The following THSD7A variants were observed in gnomAD, a reference collection of about 807,000 sequenced individuals.
THSD7A encodes thrombospondin type-1 domain-containing protein 7A.
Under a neutral mutation model 231.3 loss-of-function variants are expected in THSD7A, and 96 were observed. The ratio of observed to expected loss-of-function variants is 0.41; its 90% CI spans 0.35 to 0.49. The LOEUF is 0.49. Ranked by LOEUF, THSD7A falls within the 20% of genes least tolerant of loss-of-function variation. The pLI is 0.05. For missense variants in THSD7A, 2,290 were observed against 2,070.2 expected (o/e 1.11, Z -2.06); for synonymous variants, 940 against 743.3 (o/e 1.26, Z -4.30).
rs80110527 is a variant in THSD7A at position 11,437,847 on chromosome 7, T to C, written c.3064+8214A>G. ...ACAAAAAGTAATACATTTCAGTTAC[T>C]TTATGGTTGAGTGGTCAGGTGGGTT... is the stretch of plus-strand genomic sequence containing the variant. On this transcript the variant is annotated intron_variant, in intron 13 of 27. Transcript: ENST00000423059. 3.0e-3 allele frequency among the ~76,000 whole-genome samples: 453 copies of C among 152,242 alleles called. 1 individual carries two copies. The highest frequency in any genetic ancestry group is 0.01 in the African/African-American group (436 of 41,558).
chr7:11,460,837 T>G (rs187325844), intron 10 of THSD7A, 72 bp from the exon 11 acceptor site: 1 of 1,245,974 alleles, frequency 8.0e-7, no homozygotes, highest in Non-Finnish European at 1.2e-6. Flanking sequence ...CACAGCAGCA[T>G]GGAAACATGA....
At chr7:11,520,436 A>T (rs988048949) in intron 6 of THSD7A, among the ~76,000 whole-genome samples, 1 of 152,208 alleles carries the variant, frequency 6.6e-6, no homozygotes, top group African/African-American at 2.4e-5. Flanking sequence ...AGTATGACTT[A>T]TTTAAAATTA....
chr7:11,797,441 G>A (rs1583299041), intron 1 of THSD7A, among the ~76,000 whole-genome samples: 2 of 130,762 alleles, frequency 1.5e-5, no homozygotes, highest in Admixed American at 8.2e-5. Flanking sequence ...TTTTCAGACA[G>A]GGTCGTGTTC....
chr7:11,383,486 T>C (rs1198436246), intron 23 of THSD7A, among the ~76,000 whole-genome samples: 1 of 151,994 alleles, frequency 6.6e-6, no homozygotes, highest in Non-Finnish European at 1.5e-5. Context: ...TATCACTGTA[T>C]GGCTAGCTGA....
rs770986563 is a variant in THSD7A, at chr7:11,831,748, C to T, written c.190+9G>A. ...GAAGATGGGGAAAGGGTAACTCCGT[C>T]CCACTTACCAGTCTTCCACAGATAG... is the stretch of plus-strand genomic sequence containing the variant. On this transcript the variant is annotated intron_variant, in intron 1 of 27. Coordinates refer to ENST00000423059, the MANE Select transcript of THSD7A (RefSeq NM_015204.3). This position sits in a 1 kb window ranked among gnomAD's most constrained non-coding sequence, Gnocchi z 5.0. 5.0e-5 allele frequency: 72 copies of T among 1,448,910 alleles called. No homozygotes were observed. Among genetic ancestry groups the T allele is most frequent in the Non-Finnish European group, 6.1e-5 (67 of 1,096,702 alleles). 89.8% of individuals were successfully genotyped at this position (1,448,910 alleles called of 1,614,324 possible).
At chr7:11,507,234 C>T (rs1583869587) in intron 6 of THSD7A, among the ~76,000 whole-genome samples, 1 of 152,124 alleles carries the variant, frequency 6.6e-6, no homozygotes, top group South Asian at 2.1e-4. Context: ...GGGATACTCA[C>T]TCTACATTTT....
rs185089064 is a variant in THSD7A at position 11,465,540 on chromosome 7, A to G, written c.2369-3397T>C. On this transcript the variant is annotated intron_variant, in intron 9 of 27. Transcript: ENST00000423059. ...TCAAAATAAATTTCACCGAGAAATTACTTGATGAAAAGGATTTAAAAGGCA... is the reference window on the plus strand; with the variant it reads ...TCAAAATAAATTTCACCGAGAAATTGCTTGATGAAAAGGATTTAAAAGGCA... Among the ~76,000 whole-genome samples the G allele has an allele frequency of 2.0e-5, 3 of 152,264 alleles. 1 individual carries two copies. The highest frequency in any genetic ancestry group is 6.5e-5 in the Admixed American group (1 of 15,280).
chr7:11,813,030 T>A (rs147109190), intron 1 of THSD7A, among the ~76,000 whole-genome samples: 14 of 152,310 alleles, frequency 9.2e-5, no homozygotes, highest in African/African-American at 3.1e-4. Context: ...TGTTATTCCA[T>A]CCACTAAGCT....
intron 22 of THSD7A, among the ~76,000 whole-genome samples, chr7:11,405,967 C>T (rs934668025): frequency 6.6e-6 from 1 of 152,214 alleles, no homozygotes; most frequent in South Asian, 2.1e-4. Flanking sequence ...CTGGAAATCC[C>T]GAATAGGTTA....
chr7:11,507,314 G>A (rs6973223), intron 6 of THSD7A, among the ~76,000 whole-genome samples: 42,315 of 151,968 alleles, frequency 0.28, 6,093 homozygotes, highest in South Asian at 0.42. Context: ...CTTATATTAT[G>A]TAGATATCAC....
chr7:11,506,523 C>T (rs557125756), intron 6 of THSD7A, among the ~76,000 whole-genome samples: 4 of 152,288 alleles, frequency 2.6e-5, no homozygotes, highest in South Asian at 2.1e-4. Context: ...CCTTTTAAAA[C>T]ATAGTTCAGA....
chr7:11,532,011 C>G (rs920310207), intron 6 of THSD7A, among the ~76,000 whole-genome samples: 1 of 152,084 alleles, frequency 6.6e-6, no homozygotes, highest in Non-Finnish European at 1.5e-5. Flanking sequence ...TAGAATGTGG[C>G]AGAAGTGGTC....
intron 4 of THSD7A, among the ~76,000 whole-genome samples, chr7:11,550,447 G>A (rs919618923): frequency 2.6e-5 from 4 of 152,134 alleles, no homozygotes; most frequent in African/African-American, 9.7e-5. Flanking sequence ...TCAAGGGAGG[G>A]ACCTGGCAGG....
At chr7:11,554,383 T>C (rs556960568) in intron 4 of THSD7A, among the ~76,000 whole-genome samples, 58 of 152,202 alleles carry the variant, frequency 3.8e-4, no homozygotes, top group African/African-American at 1.4e-3. Context: ...AGTAGACCAT[T>C]TGTTCCAGTG....
At chr7:11,770,748 T>C (rs376260713) in intron 1 of THSD7A, among the ~76,000 whole-genome samples, 2 of 152,140 alleles carry the variant, frequency 1.3e-5, no homozygotes, top group African/African-American at 4.8e-5. Flanking sequence ...AATGCTAAAG[T>C]AAGGTCAATA....
At chr7:11,578,565 G>C (rs963327644) in intron 4 of THSD7A, among the ~76,000 whole-genome samples, 5 of 152,170 alleles carry the variant, frequency 3.3e-5, no homozygotes, top group African/African-American at 1.2e-4. Context: ...TCTCTCAGAA[G>C]CTTAAAATCT....
intron 7 of THSD7A, among the ~76,000 whole-genome samples, chr7:11,476,085 G>A (rs1342199225): frequency 6.6e-6 from 1 of 151,600 alleles, no homozygotes; most frequent in East Asian, 1.9e-4. Context: ...CAAAAAATTG[G>A]TAAAGCTAAA....
chr7:11,433,325 A>T (rs1165279962), intron 13 of THSD7A, among the ~76,000 whole-genome samples: 1 of 152,030 alleles, frequency 6.6e-6, no homozygotes, highest in Non-Finnish European at 1.5e-5. Flanking sequence ...TAATTGACCT[A>T]AAATAGTATG....
intron 1 of THSD7A, among the ~76,000 whole-genome samples, chr7:11,708,493 A>G (rs1780842644): frequency 6.6e-6 from 1 of 150,886 alleles, no homozygotes; most frequent in South Asian, 2.1e-4. Flanking sequence ...AAAATTAGCA[A>G]CTTGAGAGAA....
Sources: allele counts gnomAD v4.1 joint callset (sites outside exome capture counted in the v4.1 genomes callset), GRCh38; gene constraint gnomAD v4.1.1; non-coding constraint Gnocchi (gnomAD v3.1); transcripts MANE v1.5; gene names NCBI Gene and HGNC (gene_info 2026-07-23, HGNC 2026-07-21).